The following IL4R variants were observed in gnomAD, a reference collection of about 807,000 sequenced individuals.
IL4R encodes interleukin-4 receptor subunit alpha.
A neutral mutation model predicts 41.5 loss-of-function variants in IL4R; 17 were observed. The ratio of observed to expected loss-of-function variants is 0.41; its 90% CI spans 0.28 to 0.61. The LOEUF is 0.61. Ranked by LOEUF, IL4R falls within the 20% of genes least tolerant of loss-of-function variation. The probability of loss-of-function intolerance (pLI) is 0.31; values close to 1 mark genes in which losing one functional copy is unlikely to be tolerated. For missense variants in IL4R, 974 were observed against 1,043.1 expected, an observed-to-expected ratio of 0.93 and a Z score of 0.91; for synonymous variants, 402 against 422.9, an observed-to-expected ratio of 0.95 and a Z score of 0.61.
At chr16:27,360,632 C>G (rs754173699) in intron 9 of IL4R, 134 bp from the exon 10 acceptor site, 11 of 1,077,732 alleles carry the variant, frequency 1.0e-5, no homozygotes, top group Non-Finnish European at 1.4e-5. Flanking sequence ...ATCTGAAGCT[C>G]AGAAAGCGTA....
At chr16:27,317,159 C>T (rs1457292641) in intron 1 of IL4R, among the ~76,000 whole-genome samples, 1 of 152,194 alleles carries the variant, frequency 6.6e-6, no homozygotes, top group Non-Finnish European at 1.5e-5. Context: ...CTGCCTCAGC[C>T]TCCTAAAGTG....
At chr16:27,319,755 G>C (rs182683132) in intron 1 of IL4R, among the ~76,000 whole-genome samples, 1 of 152,106 alleles carries the variant, frequency 6.6e-6, no homozygotes, top group African/African-American at 2.4e-5. Context: ...GCTCCCCATC[G>C]CTCGCATTAC....
intron 7 of IL4R, 98 bp from the exon 8 acceptor site, chr16:27,355,710 C>A: frequency 1.3e-6 from 1 of 775,546 alleles, no homozygotes; most frequent in Non-Finnish European, 2.2e-6. Flanking sequence ...TGGAGGGTCT[C>A]GGACGAGGGT....
intron 1 of IL4R, among the ~76,000 whole-genome samples, chr16:27,317,969 G>C (rs956610880): frequency 2.0e-5 from 3 of 152,216 alleles, no homozygotes; most frequent in Admixed American, 6.5e-5. Flanking sequence ...ATATGTGCCA[G>C]AGCATCGGAC....
intron 1 of IL4R, among the ~76,000 whole-genome samples, chr16:27,328,722 T>C (rs1490953305): frequency 6.6e-6 from 1 of 152,146 alleles, no homozygotes; most frequent in Admixed American, 6.6e-5. Flanking sequence ...TATAGACAAA[T>C]ACATAATTTA....
At chr16:27,347,186 G>A (rs568349065) in intron 6 of IL4R, among the ~76,000 whole-genome samples, 22 of 152,086 alleles carry the variant, frequency 1.4e-4, no homozygotes, top group African/African-American at 5.3e-4. Context: ...AGTGTTGGTG[G>A]AGTTTTTGTT....
chr16:27,315,274 C>G (rs1329015921), intron 1 of IL4R: 1 of 152,352 alleles, frequency 6.6e-6, no homozygotes. Context: ...TTAGGGCATT[C>G]CAGGGTCCTG....
chr16:27,359,114 G>A, intron 9 of IL4R, 120 bp downstream of exon 9: 2 of 750,400 alleles, frequency 2.7e-6, no homozygotes, highest in Non-Finnish European at 4.6e-6. Context: ...CAGTCAGGAG[G>A]GTTGCAGGGG....
intron 1 of IL4R, among the ~76,000 whole-genome samples, chr16:27,328,299 A>AATGGTGTG (rs1384241488): frequency 6.7e-6 from 1 of 149,204 alleles, no homozygotes; most frequent in East Asian, 2.0e-4. Flanking sequence ...GCTGGAGTGC[A>AATGGTGTG]ATGGTGTGAT....
intron 6 of IL4R, among the ~76,000 whole-genome samples, chr16:27,348,055 G>T (rs1456077946): frequency 1.3e-5 from 2 of 152,236 alleles, no homozygotes; most frequent in African/African-American, 4.8e-5. Flanking sequence ...CCCAGGCTGG[G>T]CCTGGTTGGC....
chr16:27,320,343 A>G (rs1190443718), intron 1 of IL4R, among the ~76,000 whole-genome samples: 1 of 152,218 alleles, frequency 6.6e-6, no homozygotes, highest in Non-Finnish European at 1.5e-5. Context: ...TAATAGAAAT[A>G]AAGTACGTAA....
chr16:27,354,877 C>A, intron 7 of IL4R: 1 of 371,930 alleles, frequency 2.7e-6, no homozygotes, highest in South Asian at 2.0e-5. Context: ...GCAGGGTCTC[C>A]ATGGCTGTAT....
At chr16:27,323,023 C>T (rs889985240) in intron 1 of IL4R, among the ~76,000 whole-genome samples, 2 of 152,158 alleles carry the variant, frequency 1.3e-5, no homozygotes, top group East Asian at 3.9e-4. Flanking sequence ...AAAGGTGGCC[C>T]CCATGTCTGT....
Position 27,340,232 on chromosome 16 carries a change from TC to T in IL4R, c.32del (p.Pro11LeufsTer2), listed in dbSNP as rs1414703751. 3 of 1,613,892 alleles carry T rather than the reference TC, an allele frequency of 1.9e-6. No individual in the cohort carries two copies. Among genetic ancestry groups the T allele is most frequent in the Non-Finnish European group, 2.5e-6 (3 of 1,179,990 alleles). On this transcript the variant is annotated frameshift_variant, in exon 3 of 11. Transcript: ENST00000395762. LOFTEE classifies it high-confidence loss of function. MGWLCSGLL[F>X]PVSCLVLLQV... ...GGGTGGCTTTGCTCTGGGCTCCTGT[TC>T]CCTGTGAGCTGCCTGGTCCTGCTGC...
intron 1 of IL4R, among the ~76,000 whole-genome samples, chr16:27,320,773 A>T (rs535361673): frequency 6.6e-6 from 1 of 152,256 alleles, no homozygotes; most frequent in South Asian, 2.1e-4. Context: ...ACTGAATTCT[A>T]GGGAGGAGAG....
At chr16:27,353,797 C>T (rs3024621) in intron 7 of IL4R, among the ~76,000 whole-genome samples, 12,370 of 152,192 alleles carry the variant, frequency 0.081, 590 homozygotes, top group Middle Eastern at 0.12. Context: ...GTGTTCCTGG[C>T]CCCTTCCTCC....
intron 1 of IL4R, chr16:27,315,367 T>C (rs1008164160): frequency 3.3e-5 from 5 of 152,308 alleles, no homozygotes; most frequent in African/African-American, 1.2e-4. Context: ...CTAGCACTCA[T>C]TCAGCTCCTG....
At chr16:27,314,856 A>T (rs1364638582) in intron 1 of IL4R, among the ~76,000 whole-genome samples, 1 of 152,172 alleles carries the variant, frequency 6.6e-6, no homozygotes, top group Non-Finnish European at 1.5e-5. Flanking sequence ...TTTTATTTTT[A>T]AAAATTTATT....
chr16:27,353,527 C>T (rs1468176933), intron 7 of IL4R, among the ~76,000 whole-genome samples: 1 of 152,114 alleles, frequency 6.6e-6, no homozygotes. Context: ...ATAAATAATA[C>T]TTTATGATAC....
Sources: allele counts gnomAD v4.1 joint callset (sites outside exome capture counted in the v4.1 genomes callset), GRCh38; gene constraint gnomAD v4.1.1; transcripts MANE v1.5; gene names NCBI Gene and HGNC (gene_info 2026-07-23, HGNC 2026-07-21).